The following CARD6 variants were observed in gnomAD, a reference collection of about 807,000 sequenced individuals.
CARD6 encodes caspase recruitment domain family member 6, also known as caspase recruitment domain-containing protein 6.
A neutral mutation model predicts 23.6 loss-of-function variants in CARD6; 27 were observed. That is an observed-to-expected ratio of 1.14 (90% CI 0.84 to 1.58). CARD6 has a LOEUF of 1.58. CARD6 is among the 40% of genes most tolerant of loss of function. CARD6 has a pLI of 0.00. For synonymous variants in CARD6, 397 were observed against 431.8 expected (o/e 0.92, Z 1.00); for missense variants, 1,214 against 1,209.9 (o/e 1.00, Z -0.05).
At position 40,851,592 on chromosome 5, in the gene CARD6, G is replaced by C. The variant is rs143241998; in HGVS notation, c.842-582G>C. ...CTAGCACTTTGGGAGGCTGAGGCAG[G>C]CTGATCACTTGAGTCTAGTTCAAGA... On this transcript the variant is annotated intron_variant, in intron 2 of 2. Transcript: ENST00000254691. Among the ~76,000 whole-genome samples the C allele has an allele frequency of 3.4e-4, 51 of 151,860 alleles. 1 individual carries two copies. The highest frequency in any genetic ancestry group is 1.2e-3 in the African/African-American group (51 of 41,510).
intron 2 of CARD6, among the ~76,000 whole-genome samples, chr5:40,845,817 C>T (rs1247079137): frequency 6.6e-6 from 1 of 152,094 alleles, no homozygotes; most frequent in African/African-American, 2.4e-5. Context: ...CTCAATAATG[C>T]TACATAACAA....
In CARD6 at chr5:40,854,494, T is replaced by C. The variant is rs1446002712; in HGVS notation, c.*48T>C. On this transcript the variant is annotated 3_prime_UTR_variant, in exon 3 of 3. Coordinates refer to ENST00000254691, the MANE Select transcript of CARD6 (RefSeq NM_032587.4). ...AAAGCATATCCTTTACCCAGGCCAT[T>C]CCTATCATATAGTAAGCAGAAGAGT... is the stretch of plus-strand genomic sequence containing the variant. The C allele has an allele frequency of 7.0e-7, 1 of 1,434,686 alleles. No homozygotes were observed. 88.9% of individuals were successfully genotyped at this position (1,434,686 alleles called of 1,614,324 possible).
At chr5:40,848,227 T>C (rs1745997208) in intron 2 of CARD6, among the ~76,000 whole-genome samples, 1 of 149,308 alleles carries the variant, frequency 6.7e-6, no homozygotes, top group East Asian at 1.9e-4. Context: ...TTTTTTTTTT[T>C]GAGACAGAGT....
rs61748216 is a variant in CARD6, at chr5:40,843,422, G to A, written c.554G>A (p.Cys185Tyr). The A allele has an allele frequency of 1.4e-3, 2,282 of 1,614,114 alleles. 16 individuals are homozygous for A. In the African/African-American group the frequency reaches 0.022, roughly 16 times the overall value. ...TLSYSVEKVG[C>Y]EVPATITYIK... ...TCATATTCAGTTGAGAAAGTTGGAT[G>A]TGAAGTTCCAGCAACTATTACATAT... The change falls in exon 2 of 3, where the codon TGT becomes TAT. Residue 185 changes from cysteine (C) to tyrosine (Y), a missense_variant. Coordinates refer to ENST00000254691, the MANE Select transcript of CARD6 (RefSeq NM_032587.4).
rs751948805 is a variant in CARD6, at chr5:40,843,300, C to G, written c.432C>G (p.Thr144=). The change falls in exon 2 of 3, where the codon ACC becomes ACG. Residue 144 remains threonine, a synonymous_variant. Coordinates refer to ENST00000254691, the MANE Select transcript of CARD6 (RefSeq NM_032587.4). ...FSEKEHLDLE[T]SEFFRDKKTS... is the part of the protein sequence containing the mutation. ...AGAAGGAACACTTGGATTTGGAAAC[C>G]TCTGAGTTTTTCAGGGACAAGAAAA... The G allele has an allele frequency of 1.2e-6, 2 of 1,613,972 alleles. No individual in the cohort carries two copies. Among genetic ancestry groups the G allele is most frequent in the Admixed American group, 1.7e-5 (1 of 59,994 alleles).
At chr5:40,851,402 T>C (rs889966254) in intron 2 of CARD6, among the ~76,000 whole-genome samples, 9 of 152,074 alleles carry the variant, frequency 5.9e-5, no homozygotes, top group African/African-American at 2.2e-4. Context: ...AGTACTTGCA[T>C]AGAAAAAGGA....
At position 40,853,368 on chromosome 5, in the gene CARD6, C is replaced by A; in HGVS notation, c.2036C>A (p.Ala679Asp). ...VSSGENMAGT[A>D]EGEGQQRHSQ... is the part of the protein sequence containing the mutation. ...TCTGGAGAAAACATGGCTGGGACAG[C>A]TGAAGGTGAGGGTCAGCAAAGACAC... is the stretch of plus-strand genomic sequence containing the variant. Residue 679 changes from alanine to aspartate, a missense_variant, in exon 3 of 3, where the codon GCT becomes GAT. Coordinates refer to ENST00000254691, the MANE Select transcript of CARD6 (RefSeq NM_032587.4). 2 of 1,614,100 alleles carry A rather than the reference C, an allele frequency of 1.2e-6. No homozygotes were observed. The highest frequency in any genetic ancestry group is 1.7e-6 in the Non-Finnish European group (2 of 1,180,012).
At chr5:40,842,998 A>G (rs1352054640) in intron 1 of CARD6, 154 bp from the exon 2 acceptor site, 5 of 589,280 alleles carry the variant, frequency 8.5e-6, no homozygotes, top group Non-Finnish European at 1.4e-5. Context: ...AGATCGTGCC[A>G]TTGCACTCCA....
intron 1 of CARD6, 117 bp from the exon 2 acceptor site, chr5:40,843,035 T>C: frequency 1.4e-6 from 1 of 705,662 alleles, no homozygotes; most frequent in Non-Finnish European, 2.3e-6. Flanking sequence ...TGAAACTCTG[T>C]CTCAAAAAAT....
chr5:40,847,516 A>G (rs1298310327), intron 2 of CARD6, among the ~76,000 whole-genome samples: 1 of 152,106 alleles, frequency 6.6e-6, no homozygotes, highest in Non-Finnish European at 1.5e-5. Context: ...TTCTCTTAGT[A>G]CAAGTCTGCT....
chr5:40,846,420 C>A (rs947303697), intron 2 of CARD6, among the ~76,000 whole-genome samples: 1 of 152,054 alleles, frequency 6.6e-6, no homozygotes, highest in African/African-American at 2.4e-5. Flanking sequence ...AGCTTTAGAA[C>A]GATCATCATG....
intron 2 of CARD6, among the ~76,000 whole-genome samples, chr5:40,848,971 T>C (rs1186690153): frequency 6.6e-6 from 1 of 152,110 alleles, no homozygotes; most frequent in Non-Finnish European, 1.5e-5. Context: ...GTTATTACCT[T>C]GTCGACACAC....
intron 2 of CARD6, among the ~76,000 whole-genome samples, chr5:40,849,153 C>T (rs1322289895): frequency 2.0e-5 from 3 of 152,058 alleles, no homozygotes; most frequent in Admixed American, 6.6e-5. Flanking sequence ...CCTGCCACCA[C>T]ACCTGGCTAA....
chr5:40,846,434 T>C (rs1745968697), intron 2 of CARD6, among the ~76,000 whole-genome samples: 1 of 152,128 alleles, frequency 6.6e-6, no homozygotes, highest in Non-Finnish European at 1.5e-5. Flanking sequence ...CATCATGCCA[T>C]CTATGCCATC....
intron 2 of CARD6, among the ~76,000 whole-genome samples, chr5:40,847,947 A>G (rs1385299892): frequency 6.6e-6 from 1 of 151,748 alleles, no homozygotes; most frequent in Non-Finnish European, 1.5e-5. Flanking sequence ...CTTCGAGTAC[A>G]TGAATTTTAG....
At position 40,854,678 on chromosome 5, in the gene CARD6, C is replaced by A. The variant is rs113723820; in HGVS notation, c.*232C>A. On this transcript the variant is annotated 3_prime_UTR_variant, in exon 3 of 3. Transcript: ENST00000254691. Reference sequence around the variant, plus strand: ...CGATCTCGGCTCACCGCAACCTCTGCTTCCTGGCTTAAAGTGATTCTCCTG... The same window carrying A: ...CGATCTCGGCTCACCGCAACCTCTGATTCCTGGCTTAAAGTGATTCTCCTG... 246 of 467,720 alleles carry A rather than the reference C, an allele frequency of 5.3e-4. 1 individual carries two copies. The highest frequency in any genetic ancestry group is 4.2e-3 in the African/African-American group (217 of 51,420). 29.0% of individuals were successfully genotyped at this position (467,720 alleles called of 1,614,324 possible).
chr5:40,851,781 A>G (rs1746070625), intron 2 of CARD6, among the ~76,000 whole-genome samples: 1 of 152,086 alleles, frequency 6.6e-6, no homozygotes, highest in African/African-American at 2.4e-5. Flanking sequence ...GCTCCATTGC[A>G]CTCCAGCCTG....
chr5:40,854,370 A>G lies in CARD6; in HGVS notation c.3038A>G (p.Lys1013Arg), dbSNP rs1371826096. Residue 1013 changes from lysine (K) to arginine (R), a missense_variant, in exon 3 of 3, where the codon AAG becomes AGG. Coordinates refer to ENST00000254691, the MANE Select transcript of CARD6 (RefSeq NM_032587.4). ...KPSQPRPPQP[K>R]SSSTNPSQAK... ...TCTCAGCCCAGACCCCCTCAACCTA[A>G]GTCATCCTCAACCAATCCTTCACAA... 2 of 1,614,078 alleles carry G rather than the reference A, an allele frequency of 1.2e-6. No individual in the cohort carries two copies. The highest frequency in any genetic ancestry group is 1.7e-6 in the Non-Finnish European group (2 of 1,179,992).
Position 40,854,523 on chromosome 5 carries a change from C to A in CARD6, c.*77C>A. The A allele has an allele frequency of 8.5e-7, 1 of 1,181,144 alleles. No homozygotes were observed. Among genetic ancestry groups the A allele is most frequent in the Non-Finnish European group, 1.2e-6 (1 of 822,844 alleles). 73.2% of individuals were successfully genotyped at this position (1,181,144 alleles called of 1,614,324 possible). ...ATCATATAGTAAGCAGAAGAGTTGCCATGAAAGTAAAAGACTACTGTCATT... is the reference window on the plus strand; with the variant it reads ...ATCATATAGTAAGCAGAAGAGTTGCAATGAAAGTAAAAGACTACTGTCATT... On this transcript the variant is annotated 3_prime_UTR_variant, in exon 3 of 3. Coordinates refer to ENST00000254691, the MANE Select transcript of CARD6 (RefSeq NM_032587.4).
Sources: gnomAD v4.1 joint callset for allele counts (sites outside exome capture counted in the v4.1 genomes callset) on GRCh38, gnomAD v4.1.1 for gene constraint, MANE v1.5 for transcripts, NCBI Gene and HGNC (gene_info 2026-07-23, HGNC 2026-07-21) for gene names.